Variants in FGF13 observed in about 807,000 individuals in gnomAD.
FGF13 encodes the protein fibroblast growth factor homologous factor 2.
Under a neutral mutation model 19.5 loss-of-function variants are expected in FGF13, and 2 were observed. That is an observed-to-expected ratio of 0.10 (90% CI 0.04 to 0.32). FGF13 has a LOEUF of 0.32. FGF13 is among the 10% of genes least tolerant of loss of function. The pLI is 1.00. For missense variants in FGF13, 113 were observed against 192.7 expected (o/e 0.59, Z 2.45); for synonymous variants, 72 against 76.9 (o/e 0.94, Z 0.33).
At chrX:138,719,132 T>C (rs949554201) in intron 1 of FGF13, among the ~76,000 whole-genome samples, 1 of 112,317 alleles carries the variant, frequency 8.9e-6, no homozygotes, top group East Asian at 2.8e-4. Flanking sequence ...ATACTACTTC[T>C]TTCCTCATTG....
chrX:138,936,473 G>A, intron 1 of FGF13, among the ~76,000 whole-genome samples: 1 of 112,056 alleles, frequency 8.9e-6, no homozygotes, highest in Non-Finnish European at 1.9e-5. Flanking sequence ...GACATAGTAA[G>A]GGCTCACTAA....
intron 3 of FGF13, among the ~76,000 whole-genome samples, chrX:138,754,404 C>T (rs2090418882): frequency 9.0e-6 from 1 of 111,319 alleles, no homozygotes; most frequent in African/African-American, 3.3e-5. Flanking sequence ...CCTTGACTCC[C>T]TCACCTTCTC....
intron 1 of FGF13, among the ~76,000 whole-genome samples, chrX:138,945,862 AT>A (rs1299913514): frequency 1.8e-5 from 2 of 112,000 alleles, no homozygotes; most frequent in Non-Finnish European, 3.8e-5. Context: ...ATATAGATAA[AT>A]TAACAATTTA....
chrX:139,133,869 C>T (rs1464552467), intron 1 of FGF13, among the ~76,000 whole-genome samples: 1 of 111,886 alleles, frequency 8.9e-6, no homozygotes, highest in African/African-American at 3.2e-5. Flanking sequence ...TTGAAGCAGC[C>T]TACTTTCTGA....
At chrX:138,818,740 T>A (rs765693260) in intron 3 of FGF13, among the ~76,000 whole-genome samples, 3 of 111,388 alleles carry the variant, frequency 2.7e-5, no homozygotes, top group Admixed American at 9.6e-5. Context: ...AAAAGAATCA[T>A]CCTTAGTTTA....
chrX:138,781,727 G>T (rs1034917241), intron 3 of FGF13, among the ~76,000 whole-genome samples: 6 of 111,674 alleles, frequency 5.4e-5, no homozygotes, highest in African/African-American at 2.0e-4. Context: ...TCTACCAGAG[G>T]TACAAGGAGG....
chrX:138,870,825 T>C (rs1354874549), intron 1 of FGF13, among the ~76,000 whole-genome samples: 1 of 112,344 alleles, frequency 8.9e-6, no homozygotes, highest in Non-Finnish European at 1.9e-5. Context: ...ACATAGTCTC[T>C]AGAAGCCAGG....
chrX:138,977,577 T>C (rs752202445), intron 1 of FGF13, among the ~76,000 whole-genome samples: 5 of 112,682 alleles, frequency 4.4e-5, no homozygotes, highest in Non-Finnish European at 9.4e-5. Flanking sequence ...TGTCTTCATA[T>C]ACTTGCTCAT....
intron 1 of FGF13, among the ~76,000 whole-genome samples, chrX:139,161,752 C>T (rs1204896001): frequency 9.0e-6 from 1 of 111,427 alleles, no homozygotes; most frequent in Non-Finnish European, 1.9e-5. Flanking sequence ...TTCCTATACA[C>T]CAATAATAGA....
At chrX:138,641,147 CAT>C (rs2089247497) in intron 3 of FGF13, among the ~76,000 whole-genome samples, 1 of 112,084 alleles carries the variant, frequency 8.9e-6, no homozygotes, top group South Asian at 3.7e-4. Context: ...GTTTAATTCA[CAT>C]GTAACATTTT....
At chrX:139,086,376 G>A (rs770982731) in intron 1 of FGF13, among the ~76,000 whole-genome samples, 8 of 112,017 alleles carry the variant, frequency 7.1e-5, no homozygotes, top group Middle Eastern at 4.6e-3. Flanking sequence ...AGCACAAGGA[G>A]GAGTGATTAC....
At chrX:139,005,960 A>G (rs1176163884) in intron 1 of FGF13, among the ~76,000 whole-genome samples, 6 of 110,173 alleles carry the variant, frequency 5.4e-5, no homozygotes, top group Admixed American at 1.9e-4. Flanking sequence ...GGGCAAAGCT[A>G]AGAGTTACTG....
At chrX:138,936,672 A>G (rs370844770) in intron 1 of FGF13, among the ~76,000 whole-genome samples, 2 of 112,045 alleles carry the variant, frequency 1.8e-5, no homozygotes, top group Admixed American at 9.4e-5. Flanking sequence ...TCACTCTATA[A>G]TTCATTAACT....
intron 2 of FGF13, among the ~76,000 whole-genome samples, chrX:138,861,714 C>T (rs1235915848): frequency 8.9e-6 from 1 of 112,289 alleles, no homozygotes; most frequent in African/African-American, 3.2e-5. Flanking sequence ...TAAAGTAAGA[C>T]AGCTTTTGTC....
At chrX:138,827,753 A>G (rs1602922904) in intron 3 of FGF13, among the ~76,000 whole-genome samples, 1 of 112,098 alleles carries the variant, frequency 8.9e-6, no homozygotes, top group Non-Finnish European at 1.9e-5. Context: ...ATAAGTTAAA[A>G]GAATCACTCA....
chrX:139,165,957 G>C (rs1265114634), intron 1 of FGF13, among the ~76,000 whole-genome samples: 1 of 111,870 alleles, frequency 8.9e-6, no homozygotes, highest in Non-Finnish European at 1.9e-5. Flanking sequence ...ACTTGCTTTT[G>C]ATTTTACAGT....
intron 1 of FGF13, among the ~76,000 whole-genome samples, chrX:139,117,269 G>A (rs1421275045): frequency 9.0e-6 from 1 of 111,133 alleles, no homozygotes; most frequent in Non-Finnish European, 1.9e-5. Context: ...CAGGATTACT[G>A]CTAACCATCT....
At chrX:139,194,976 A>G (rs1460328597) in intron 1 of FGF13, among the ~76,000 whole-genome samples, 1 of 111,898 alleles carries the variant, frequency 8.9e-6, no homozygotes, top group African/African-American at 3.3e-5. Context: ...CGCCGCCAGG[A>G]AGGCGCTTTG....
At position 138,982,788 on chromosome X, in the gene FGF13, C is replaced by T. The variant is rs779856971; in HGVS notation, c.-112-118138G>A. On this transcript the variant is annotated intron_variant, in intron 1 of 2. Coordinates refer to the FGF13 transcript ENST00000421460. Reference sequence around the variant, plus strand: ...CACCAGATAGTTTAGAGTCTTTGGGCAAATAACATTCTTCTTTGACCCTCA... The same window carrying T: ...CACCAGATAGTTTAGAGTCTTTGGGTAAATAACATTCTTCTTTGACCCTCA... Among the ~76,000 whole-genome samples the T allele has an allele frequency of 5.4e-5, 6 of 112,016 alleles. No individual in the cohort carries two copies. In the South Asian group the frequency reaches 2.2e-3, roughly 42 times the overall value.
Sources: allele counts gnomAD v4.1 joint callset (sites outside exome capture counted in the v4.1 genomes callset), GRCh38; gene constraint gnomAD v4.1.1; transcripts MANE v1.5; gene names NCBI Gene and HGNC (gene_info 2026-07-23, HGNC 2026-07-21).